Variants in TIGD4 observed in about 807,000 individuals in gnomAD.
TIGD4 encodes the protein tigger transposable element-derived protein 4.
Under a neutral mutation model 24.9 loss-of-function variants are expected in TIGD4, and 20 were observed. That is an observed-to-expected ratio of 0.80 (90% CI 0.56 to 1.17). The LOEUF (loss-of-function observed/expected upper bound fraction) is 1.17, where lower values mean the gene tolerates loss of function less well. Among genes scored for constraint, TIGD4 ranks in the 50% most tolerant of loss-of-function variants. The pLI is 0.00. For missense variants in TIGD4, 566 were observed against 591.0 expected (o/e 0.96, Z 0.44); for synonymous variants, 193 against 211.0 (o/e 0.91, Z 0.74).
rs1730131542 is a variant in TIGD4 at position 152,769,888 on chromosome 4, T to C, written c.1117A>G (p.Lys373Glu). Residue 373 changes from lysine to glutamate, a missense_variant, in exon 2 of 2, where the codon AAA becomes GAA. Coordinates refer to ENST00000304337, the MANE Select transcript of TIGD4 (RefSeq NM_145720.4). ...TTGAATCCTGCCTCTTCATAGCTTT[T>C]AACAATAGTCTCTGGGGTTACAGCC... ...WRAVTPETIVKSYEEAGFKSQ... is the reference protein window; with the variant it reads ...WRAVTPETIVESYEEAGFKSQ... 2 of 1,613,518 alleles carry C rather than the reference T, an allele frequency of 1.2e-6. No individual in the cohort carries two copies. The highest frequency in any genetic ancestry group is 1.3e-5 in the African/African-American group (1 of 74,918).
chr4:152,773,642 T>TAAAAAAAAA (rs71598212), intron 1 of TIGD4, among the ~76,000 whole-genome samples: 6 of 82,146 alleles, frequency 7.3e-5, no homozygotes, highest in Admixed American at 1.5e-4. Context: ...TCCAATGCCT[T>TAAAAAAAAA]AAAAAAAAAA....
intron 1 of TIGD4, among the ~76,000 whole-genome samples, chr4:152,775,191 A>G (rs1730241850): frequency 6.6e-6 from 1 of 152,234 alleles, no homozygotes; most frequent in Non-Finnish European, 1.5e-5. Flanking sequence ...CTGGGATTAC[A>G]GGTGTGAGCC....
intron 1 of TIGD4, 129 bp from the exon 2 acceptor site, chr4:152,771,671 TAA>T (rs1419477198): frequency 6.6e-6 from 1 of 152,224 alleles, no homozygotes; most frequent in African/African-American, 2.4e-5. Flanking sequence ...GAAAATACAA[TAA>T]AGTTTCCAAG....
At chr4:152,778,651 A>G (rs1047934818) in intron 1 of TIGD4, among the ~76,000 whole-genome samples, 15 of 152,226 alleles carry the variant, frequency 9.9e-5, no homozygotes, top group African/African-American at 3.1e-4. Context: ...GTGGTATCCT[A>G]GAGAGCTCAA....
chr4:152,770,820 T>G lies in TIGD4; in HGVS notation c.185A>C (p.Lys62Thr). The stretch of plus-strand genomic sequence containing the variant: ...TAGAGATTCAAAGGCTTCTAGAACT[T>G]TGTCTTTATTCTTCATAATAGAAGA... ...SLSSIMKNKDKVLEAFESLRF... is the reference protein window; with the variant it reads ...SLSSIMKNKDTVLEAFESLRF... The change falls in exon 2 of 2, where the codon AAA becomes ACA. Residue 62 changes from lysine (K) to threonine (T), a missense_variant. Transcript: ENST00000304337. The G allele has an allele frequency of 3.1e-6, 5 of 1,612,488 alleles. No individual in the cohort carries two copies. Among genetic ancestry groups the G allele is most frequent in the Non-Finnish European group, 3.4e-6 (4 of 1,179,630 alleles).
Position 152,769,690 on chromosome 4 carries a change from T to C in TIGD4, c.1315A>G (p.Ile439Val), listed in dbSNP as rs4696354. 1,027,595 of 1,613,240 alleles carry C rather than the reference T, an allele frequency of 0.64. 329,185 individuals are homozygous for C. The highest frequency in any genetic ancestry group is 0.76 in the Admixed American group (45,527 of 59,940). Reference protein sequence around the residue: ...TCEAAPNGDSICTKESKSDET... With the variant: ...TCEAAPNGDSVCTKESKSDET... ...TCCGATTTACTTTCTTTGGTGCATA[T>C]GGAATCACCATTTGGTGCTGCTTCA... The change falls in exon 2 of 2, where the codon ATA becomes GTA. Residue 439 changes from isoleucine to valine, a missense_variant. Ile to Val is a conservative substitution (Grantham distance 29). Coordinates refer to ENST00000304337, the MANE Select transcript of TIGD4 (RefSeq NM_145720.4).
rs1453147646 is a variant in TIGD4 at position 152,770,814 on chromosome 4, A to G, written c.191T>C (p.Leu64Pro). The part of the protein sequence containing the change: ...SSIMKNKDKV[L>P]EAFESLRFDP... ...AAATCTTAGAGATTCAAAGGCTTCTAGAACTTTGTCTTTATTCTTCATAAT... is the reference window on the plus strand; with the variant it reads ...AAATCTTAGAGATTCAAAGGCTTCTGGAACTTTGTCTTTATTCTTCATAAT... Residue 64 changes from leucine to proline, a missense_variant, in exon 2 of 2, where the codon CTA becomes CCA. Coordinates refer to ENST00000304337, the MANE Select transcript of TIGD4 (RefSeq NM_145720.4). 2 of 1,612,548 alleles carry G rather than the reference A, an allele frequency of 1.2e-6. No homozygotes were observed. The highest frequency in any genetic ancestry group is 2.2e-5 in the South Asian group (2 of 90,600).
At chr4:152,774,827 T>C (rs1268980915) in intron 1 of TIGD4, among the ~76,000 whole-genome samples, 1 of 152,204 alleles carries the variant, frequency 6.6e-6, no homozygotes, top group East Asian at 1.9e-4. Context: ...CATAAATTGT[T>C]ACAATACGCT....
Position 152,771,198 on chromosome 4 carries a change from AT to A in TIGD4, c.-195del. On this transcript the variant is annotated 5_prime_UTR_variant, in exon 2 of 2. Transcript: ENST00000304337. ...CTTTTTCAAAGATCTGAAGAAAAATATTATATGCAACTAGAATATTTTAGAA... is the reference window on the plus strand; with the variant it reads ...CTTTTTCAAAGATCTGAAGAAAAATATATATGCAACTAGAATATTTTAGAA... The A allele has an allele frequency of 1.7e-6, 1 of 579,614 alleles. No individual in the cohort carries two copies. The highest frequency in any genetic ancestry group is 4.9e-4 in the Middle Eastern group (1 of 2,038). 35.9% of individuals were successfully genotyped at this position (579,614 alleles called of 1,614,324 possible).
intron 1 of TIGD4, among the ~76,000 whole-genome samples, chr4:152,773,506 A>T (rs1464820924): frequency 1.3e-5 from 2 of 152,172 alleles, no homozygotes; most frequent in African/African-American, 4.8e-5. Context: ...TCCAGAATCC[A>T]GGCTTCTAAA....
Position 152,770,103 on chromosome 4 carries a change from G to A in TIGD4, c.902C>T (p.Ser301Phe). 6.2e-7 allele frequency: 1 copy of A among 1,614,004 alleles called. No homozygotes were observed. ...PAHPEVKNLK[S>F]IELAFFPSCL... The stretch of plus-strand genomic sequence containing the variant: ...TGATGGAAAGAATGCTAACTCAATG[G>A]ATTTTAGGTTCTTTACCTCTGGATG... The change falls in exon 2 of 2, where the codon TCC becomes TTC. Residue 301 changes from serine (S) to phenylalanine (F), a missense_variant. By Grantham distance (155) the Ser-to-Phe change is radical. Coordinates refer to ENST00000304337, the MANE Select transcript of TIGD4 (RefSeq NM_145720.4).
rs182581228 is a variant in TIGD4, at chr4:152,771,070, T to C, written c.-66A>G. ...CTGGTGACTGTTTCTTTAATTAAAT[T>C]TGTTTTCCAGTATAATATAGATTGC... On this transcript the variant is annotated 5_prime_UTR_variant, in exon 2 of 2. Coordinates refer to ENST00000304337, the MANE Select transcript of TIGD4 (RefSeq NM_145720.4). 6,963 of 1,512,430 alleles carry C rather than the reference T, an allele frequency of 4.6e-3. 23 individuals carry two copies. The highest frequency in any genetic ancestry group is 8.0e-3 in the Middle Eastern group (45 of 5,630). The allele number at this position is 1,512,430 out of a possible 1,614,324, so 93.7% of individuals were successfully genotyped here. A position where few individuals can be genotyped will look rare whatever the true frequency, so the allele number is the denominator to read the frequency against.
rs1561088431 is a variant in TIGD4 at position 152,779,478 on chromosome 4, T to G, written c.-539+4A>C. 6.6e-6 allele frequency: 1 copy of G among 152,286 alleles called. No individual in the cohort carries two copies. The highest frequency in any genetic ancestry group is 1.5e-5 in the Non-Finnish European group (1 of 68,182). 9.4% of individuals were successfully genotyped at this position (152,286 alleles called of 1,614,324 possible). On this transcript the variant is annotated splice_donor_region_variant and intron_variant, in intron 1 of 1. Transcript: ENST00000304337. ...CCCCACCTTCCCCCCGGGACTGGAA[T>G]AACCTTCTTCGTGCTCTCCGGTGGC...
intron 1 of TIGD4, among the ~76,000 whole-genome samples, chr4:152,773,666 A>G (rs72723646): frequency 0.31 from 39,280 of 127,446 alleles, 6,014 homozygotes; most frequent in South Asian, 0.45. Flanking sequence ...AAAAAAAAAA[A>G]GCAACATTAG....
chr4:152,774,800 CA>C (rs1730235646), intron 1 of TIGD4, among the ~76,000 whole-genome samples: 1 of 152,030 alleles, frequency 6.6e-6, no homozygotes. Flanking sequence ...GGTGAGGTAA[CA>C]GGTTGTTAGG....
At position 152,769,529 on chromosome 4, in the gene TIGD4, A is replaced by G. The variant is rs1369441323; in HGVS notation, c.1476T>C (p.Asn492=). Residue 492 remains asparagine, a synonymous_variant, in exon 2 of 2, where the codon AAT becomes AAC. Transcript: ENST00000304337. The part of the protein sequence containing the change: ...LKKFLRSQDM[N]DGLQNSLADL... ...CTGCTAAAGAATTTTGAAGTCCGTC[A>G]TTCATATCTTGACTTCTGAGAAATT... is the stretch of plus-strand genomic sequence containing the variant. 1.9e-6 allele frequency: 3 copies of G among 1,596,734 alleles called. No homozygotes were observed. The highest frequency in any genetic ancestry group is 1.8e-5 in the Admixed American group (1 of 55,776).
Position 152,775,517 on chromosome 4 carries a change from C to G in TIGD4, c.-539+3965G>C, listed in dbSNP as rs536283414. Among the ~76,000 whole-genome samples the G allele has an allele frequency of 1.2e-3, 187 of 152,314 alleles. 1 individual carries two copies. The highest frequency in any genetic ancestry group is 4.4e-3 in the African/African-American group (182 of 41,568). On this transcript the variant is annotated intron_variant, in intron 1 of 1. Transcript: ENST00000304337. The stretch of plus-strand genomic sequence containing the variant: ...ATTGTTTGCAGAATTCAGTTCCTTG[C>G]TGTTGTAGGACTATGGTCCCTAGTT...
chr4:152,776,465 C>T (rs2149807079), intron 1 of TIGD4, among the ~76,000 whole-genome samples: 1 of 151,868 alleles, frequency 6.6e-6, no homozygotes, highest in East Asian at 1.9e-4. Context: ...TATCAGAAAA[C>T]ATAAAGCTGG....
At chr4:152,772,721 T>A (rs1730197699) in intron 1 of TIGD4, among the ~76,000 whole-genome samples, 1 of 152,012 alleles carries the variant, frequency 6.6e-6, no homozygotes, top group Non-Finnish European at 1.5e-5. Flanking sequence ...TCTTTTTTTT[T>A]TTTCTTTTGA....
Sources: gnomAD v4.1 joint callset for allele counts (sites outside exome capture counted in the v4.1 genomes callset) on GRCh38, gnomAD v4.1.1 for gene constraint, MANE v1.5 for transcripts, NCBI Gene and HGNC (gene_info 2026-07-23, HGNC 2026-07-21) for gene names.